The following DOCK8 variants were observed in gnomAD, a reference collection of about 807,000 sequenced individuals.
DOCK8 encodes the protein dedicator of cytokinesis 8.
A neutral mutation model predicts 245.6 loss-of-function variants in DOCK8; 141 were observed. The observed-to-expected ratio is 0.57, with a 90% confidence interval of 0.50 to 0.66. The LOEUF is 0.66. Among genes scored for constraint, DOCK8 ranks in the 30% least tolerant of loss-of-function variants. The pLI, the probability that DOCK8 is intolerant of heterozygous loss-of-function variation, is 0.00. For synonymous variants in DOCK8, 1,168 were observed against 970.2 expected, an observed-to-expected ratio of 1.20 and a Z score of -3.79; for missense variants, 2,965 against 2,603.4, an observed-to-expected ratio of 1.14 and a Z score of -3.02.
At chr9:453,546 C>G (rs1024258638) in intron 46 of DOCK8, among the ~76,000 whole-genome samples, 1 of 152,174 alleles carries the variant, frequency 6.6e-6, no homozygotes, top group African/African-American at 2.4e-5. Flanking sequence ...CCTCCCTGAG[C>G]CTCCCAAGTA....
intron 46 of DOCK8, chr9:460,151 A>AGAT (rs59851112): frequency 0.74 from 112,236 of 151,954 alleles, 42,629 homozygotes; most frequent in East Asian, 1. Flanking sequence ...CCCATTTTCC[A>AGAT]GAGAAAATTG....
chr9:267,294 C>T (rs902896909), intron 1 of DOCK8, among the ~76,000 whole-genome samples: 4 of 152,226 alleles, frequency 2.6e-5, no homozygotes, highest in Admixed American at 6.5e-5. Flanking sequence ...TAGCCTCAAC[C>T]TCCCAGGCTC....
At chr9:395,857 A>T (rs1238903766) in intron 24 of DOCK8, among the ~76,000 whole-genome samples, 1 of 152,192 alleles carries the variant, frequency 6.6e-6, no homozygotes, top group Non-Finnish European at 1.5e-5. Flanking sequence ...TGACACAAGG[A>T]TATCTATATA....
In DOCK8 at chr9:420,591, T is replaced by C. The variant is rs781559700; in HGVS notation, c.4023+8T>C. ...TTATGTTTTGAGTATAAGGTAAGTC[T>C]GGAGTGGCACAACTTTATACCAGCT... On this transcript the variant is annotated splice_region_variant and intron_variant, in intron 31 of 47. Transcript: ENST00000432829. 7.4e-6 allele frequency: 12 copies of C among 1,614,170 alleles called. No homozygotes were observed. In the Admixed American group the frequency reaches 2.0e-4, roughly 27 times the overall value.
Position 403,144 on chromosome 9 carries a change from C to G in DOCK8, c.3235-1774C>G, listed in dbSNP as rs188637000. On this transcript the variant is annotated intron_variant, in intron 26 of 47. Coordinates refer to ENST00000432829, the MANE Select transcript of DOCK8 (RefSeq NM_203447.4). ...CCTCAAGTGATCTGCCTGCCTCTGC[C>G]TCCCGAAGTGCTGGGATTACAGGTG... Among the ~76,000 whole-genome samples, 170 of 152,336 alleles carry G rather than the reference C, an allele frequency of 1.1e-3. 1 individual carries two copies. Among genetic ancestry groups the G allele is most frequent in the Non-Finnish European group, 2.2e-3 (148 of 68,034 alleles).
In DOCK8 at chr9:406,760, A is replaced by T. The variant is rs551122329; in HGVS notation, c.3391-170A>T. The stretch of plus-strand genomic sequence containing the variant: ...CTCTGTGGGTATGGGAAAGTGCAGT[A>T]ACCACTCTGTGCCTCAGTTTCCTTG... On this transcript the variant is annotated intron_variant, in intron 27 of 47. Transcript: ENST00000432829. 3.3e-5 allele frequency among the ~76,000 whole-genome samples: 5 copies of T among 151,906 alleles called. No homozygotes were observed. In the East Asian group the frequency reaches 9.7e-4, roughly 29 times the overall value.
chr9:340,464 T>C (rs1263336761), intron 14 of DOCK8, 143 bp downstream of exon 14: 1 of 1,065,012 alleles, frequency 9.4e-7, no homozygotes. Context: ...CTACAACATA[T>C]ACAAAATTTA....
intron 45 of DOCK8, among the ~76,000 whole-genome samples, chr9:450,128 A>G (rs922932514): frequency 6.6e-6 from 1 of 152,192 alleles, no homozygotes; most frequent in African/African-American, 2.4e-5. Context: ...AACCCCAGGT[A>G]AAAAAGAAAT....
chr9:452,084 A>G lies in DOCK8; in HGVS notation c.6035A>G (p.Lys2012Arg), dbSNP rs2057484922. The G allele has an allele frequency of 6.2e-6, 10 of 1,610,904 alleles. No homozygotes were observed. Among genetic ancestry groups the G allele is most frequent in the Non-Finnish European group, 8.5e-6 (10 of 1,178,694 alleles). ...ADPKLYRHHN[K>R]LRLCFKEFIM... ...CCAAAACTCTATCGACATCACAACA[A>G]GTTGAGGTTATGCTTTAAGGAATTC... The change falls in exon 46 of 48, where the codon AAG (lysine) becomes AGG (arginine). Residue 2012 changes from lysine to arginine, a missense_variant. Around this residue, in one of 3 missense-constraint regions of DOCK8, gnomAD observed 134 missense variants for 128.1 expected, o/e 1.05. Transcript: ENST00000432829.
At chr9:434,037 G>C in intron 38 of DOCK8, 62 bp downstream of exon 38, 1 of 1,164,192 alleles carries the variant, frequency 8.6e-7, no homozygotes. Flanking sequence ...TCACTGTGGA[G>C]TTCTTACTAA....
intron 37 of DOCK8, among the ~76,000 whole-genome samples, chr9:432,993 G>A (rs1056667305): frequency 1.3e-5 from 2 of 152,222 alleles, no homozygotes; most frequent in Non-Finnish European, 2.9e-5. Context: ...TTAATTAAGT[G>A]AGAATGAATG....
intron 14 of DOCK8, among the ~76,000 whole-genome samples, chr9:342,667 A>G (rs140696655): frequency 5.8e-4 from 88 of 152,120 alleles, no homozygotes; most frequent in African/African-American, 2.1e-3. Flanking sequence ...ACAGGGTTTC[A>G]CCATCTTGGC....
chr9:238,176 C>G (rs1366856817), intron 1 of DOCK8, among the ~76,000 whole-genome samples: 1 of 152,192 alleles, frequency 6.6e-6, no homozygotes, highest in African/African-American at 2.4e-5. Context: ...AGAGCCATTG[C>G]TACTAACAGA....
intron 38 of DOCK8, among the ~76,000 whole-genome samples, chr9:434,577 G>A (rs768665256): frequency 3.9e-5 from 6 of 152,084 alleles, no homozygotes; most frequent in Non-Finnish European, 8.8e-5. Context: ...TTTCTTGGAG[G>A]TCAGCACAGC....
At chr9:377,475 T>C (rs1204663936) in intron 20 of DOCK8, among the ~76,000 whole-genome samples, 1 of 152,210 alleles carries the variant, frequency 6.6e-6, no homozygotes, top group African/African-American at 2.4e-5. Flanking sequence ...TCTTTAAAAT[T>C]CCATTTCTGG....
chr9:263,397 C>T (rs1339832564), intron 1 of DOCK8, among the ~76,000 whole-genome samples: 1 of 152,040 alleles, frequency 6.6e-6, no homozygotes, highest in Non-Finnish European at 1.5e-5. Flanking sequence ...GGCTTTAAAA[C>T]ACATGAAATC....
intron 26 of DOCK8, among the ~76,000 whole-genome samples, chr9:403,986 A>ATG (rs1564022008): frequency 2.5e-5 from 2 of 79,468 alleles, no homozygotes; most frequent in African/African-American, 6.8e-5. Context: ...GTGTATATAT[A>ATG]TATATGTGTA....
At chr9:397,560 C>A (rs934608224) in intron 25 of DOCK8, among the ~76,000 whole-genome samples, 1 of 150,774 alleles carries the variant, frequency 6.6e-6, no homozygotes, top group Non-Finnish European at 1.5e-5. Context: ...TGTAGTGGCA[C>A]GTACCTGTAA....
intron 14 of DOCK8, among the ~76,000 whole-genome samples, chr9:357,062 TTG>T (rs2052480120): frequency 6.6e-6 from 1 of 152,176 alleles, no homozygotes; most frequent in African/African-American, 2.4e-5. Context: ...TGAAAACTAG[TTG>T]GACTTAAACA....
Sources: gnomAD v4.1 joint callset for allele counts (sites outside exome capture counted in the v4.1 genomes callset) on GRCh38, gnomAD v4.1.1 for gene constraint, gnomAD v4.1.1 regional missense constraint, MANE v1.5 for transcripts, NCBI Gene and HGNC (gene_info 2026-07-23, HGNC 2026-07-21) for gene names.